The following GALNT13 variants were observed in gnomAD, a reference collection of about 807,000 sequenced individuals.
GALNT13 encodes polypeptide N-acetylgalactosaminyltransferase 13.
A neutral mutation model predicts 64.2 loss-of-function variants in GALNT13; 28 were observed. The ratio of observed to expected loss-of-function variants is 0.44; its 90% CI spans 0.32 to 0.60. GALNT13 has a LOEUF of 0.60. Ranked by LOEUF, GALNT13 falls within the 20% of genes least tolerant of loss-of-function variation. The pLI is 0.05. For synonymous variants in GALNT13, 214 were observed against 224.6 expected (o/e 0.95, Z 0.42); for missense variants, 577 against 669.8 (o/e 0.86, Z 1.53).
intron 3 of GALNT13, among the ~76,000 whole-genome samples, chr2:154,138,888 C>CTAGAGTAG (rs1446175720): frequency 1.3e-5 from 2 of 151,958 alleles, no homozygotes; most frequent in Non-Finnish European, 1.5e-5. Context: ...TAGAAAAATA[C>CTAGAGTAG]ACCTTCTCAT....
intron 9 of GALNT13, among the ~76,000 whole-genome samples, chr2:154,347,109 C>A (rs536067400): frequency 6.6e-6 from 1 of 152,046 alleles, no homozygotes; most frequent in Non-Finnish European, 1.5e-5. Context: ...TGGGCCTCAC[C>A]ACCAGCAATA....
chr2:154,136,636 AT>A (rs1682966945), intron 3 of GALNT13, among the ~76,000 whole-genome samples: 1 of 152,130 alleles, frequency 6.6e-6, no homozygotes, highest in African/African-American at 2.4e-5. Flanking sequence ...TGTAAATTAA[AT>A]TTTTTAAGTA....
the GALNT13 span, among the ~76,000 whole-genome samples, chr2:153,196,937 C>T: frequency 6.6e-6 from 1 of 152,218 alleles, no homozygotes; most frequent in African/African-American, 2.4e-5. Context: ...GCAGTGGCCA[C>T]TACAGACAGC....
chr2:154,309,457 G>A (rs988384761), intron 9 of GALNT13, among the ~76,000 whole-genome samples: 1 of 152,164 alleles, frequency 6.6e-6, no homozygotes, highest in Non-Finnish European at 1.5e-5. Flanking sequence ...AATTCTGCAG[G>A]CTGGGAAGTC....
chr2:153,570,935 C>T, the GALNT13 span, among the ~76,000 whole-genome samples: 2 of 150,928 alleles, frequency 1.3e-5, no homozygotes, highest in Non-Finnish European at 3.0e-5. Flanking sequence ...TTTGGCTATT[C>T]TGAGACTTTT....
chr2:154,344,918 A>C (rs1370699567), intron 9 of GALNT13, among the ~76,000 whole-genome samples: 1 of 152,010 alleles, frequency 6.6e-6, no homozygotes, highest in Non-Finnish European at 1.5e-5. Flanking sequence ...ACTGGAGGAC[A>C]CCTTAGGACT....
At chr2:153,853,257 G>A in the GALNT13 span, among the ~76,000 whole-genome samples, 1 of 151,924 alleles carries the variant, frequency 6.6e-6, no homozygotes, top group Non-Finnish European at 1.5e-5. Context: ...ATTGGGGGTG[G>A]GTCTGTGTCT....
chr2:154,147,859 G>A (rs1477907402), intron 4 of GALNT13, among the ~76,000 whole-genome samples: 1 of 150,104 alleles, frequency 6.7e-6, no homozygotes, highest in Non-Finnish European at 1.5e-5. Flanking sequence ...TATCATGGTT[G>A]TTAATGTGTT....
At chr2:154,316,627 T>C (rs1694332428) in intron 9 of GALNT13, among the ~76,000 whole-genome samples, 1 of 152,140 alleles carries the variant, frequency 6.6e-6, no homozygotes, top group South Asian at 2.1e-4. Context: ...TCCAAAAGCA[T>C]AGTGTTGGCC....
chr2:154,123,571 T>C (rs987916276), intron 3 of GALNT13, among the ~76,000 whole-genome samples: 8 of 152,000 alleles, frequency 5.3e-5, no homozygotes, highest in Non-Finnish European at 1.0e-4. Context: ...GAATGAATGA[T>C]AATATCTTGC....
chr2:153,069,834 T>C, the GALNT13 span, among the ~76,000 whole-genome samples: 2 of 152,222 alleles, frequency 1.3e-5, no homozygotes, highest in Non-Finnish European at 2.9e-5. Context: ...TATGTCTCTC[T>C]GCTCTGGTGG....
intron 2 of GALNT13, among the ~76,000 whole-genome samples, chr2:153,915,558 G>A (rs1480001996): frequency 6.6e-6 from 1 of 152,122 alleles, no homozygotes; most frequent in Non-Finnish European, 1.5e-5. Context: ...ACTCCTCAGA[G>A]TGGCTGTTAC....
the GALNT13 span, among the ~76,000 whole-genome samples, chr2:153,125,553 A>G: frequency 6.1e-4 from 93 of 152,324 alleles, no homozygotes; most frequent in African/African-American, 2.2e-3. Context: ...CTGCATTAAT[A>G]TAGTGATTTT....
At chr2:153,144,870 A>G in the GALNT13 span, among the ~76,000 whole-genome samples, 2 of 151,980 alleles carry the variant, frequency 1.3e-5, no homozygotes, top group Middle Eastern at 6.8e-3. Flanking sequence ...TCACTTGCTT[A>G]TAAGAGGGGT....
chr2:153,980,529 A>T (rs192485553), intron 3 of GALNT13, among the ~76,000 whole-genome samples: 2 of 152,114 alleles, frequency 1.3e-5, no homozygotes, highest in Admixed American at 1.3e-4. Context: ...TAAATTGTTT[A>T]TGAGGTGTCG....
At chr2:153,837,278 A>T in the GALNT13 span, among the ~76,000 whole-genome samples, 1 of 151,996 alleles carries the variant, frequency 6.6e-6, no homozygotes, top group Admixed American at 6.6e-5. Flanking sequence ...GCATTTTTTC[A>T]TGTGTCTGTT....
At chr2:153,250,579 C>T in the GALNT13 span, among the ~76,000 whole-genome samples, 1 of 152,146 alleles carries the variant, frequency 6.6e-6, no homozygotes, top group Admixed American at 6.6e-5. Context: ...GACACACGCA[C>T]ATGTATGTTT....
the GALNT13 span, among the ~76,000 whole-genome samples, chr2:153,626,350 C>G: frequency 6.6e-6 from 1 of 151,998 alleles, no homozygotes; most frequent in Admixed American, 6.6e-5. Flanking sequence ...CATAGTAATT[C>G]AAAAGGAGAG....
At position 153,965,564 on chromosome 2, in the gene GALNT13, C is replaced by T. The variant is rs927420795; in HGVS notation, c.142+20925C>T. Among the ~76,000 whole-genome samples the T allele has an allele frequency of 3.9e-5, 6 of 152,146 alleles. No individual in the cohort carries two copies. The East Asian group carries it at 5.8e-4, about 15-fold the overall frequency. On this transcript the variant is annotated intron_variant, in intron 3 of 12. Transcript: ENST00000392825. The stretch of plus-strand genomic sequence containing the variant: ...TTGTGATTACATATATAGAACAGGA[C>T]GGTCTTGTTTTTTGGTTGTTTCATA...
Sources: gnomAD v4.1 joint callset for allele counts (sites outside exome capture counted in the v4.1 genomes callset) on GRCh38, gnomAD v4.1.1 for gene constraint, MANE v1.5 for transcripts, NCBI Gene and HGNC (gene_info 2026-07-23, HGNC 2026-07-21) for gene names.